The following OOSP3 variants were observed in gnomAD, a reference collection of about 807,000 sequenced individuals.
OOSP3 encodes oocyte-secreted protein 3.
chr11:59,886,823 C>CTTTTTTTTTTT, intron 2 of OOSP3, among the ~76,000 whole-genome samples: 1 of 144,674 alleles, frequency 6.9e-6, no homozygotes. Context: ...CGGAGTCTTG[C>CTTTTTTTTTTT]TCTGTCACCC....
intron 1 of OOSP3, among the ~76,000 whole-genome samples, chr11:59,879,156 A>G (rs1014892255): frequency 2.0e-5 from 3 of 152,072 alleles, no homozygotes; most frequent in African/African-American, 7.2e-5. Context: ...TACCTGTGGA[A>G]AAATATTTCT....
At chr11:59,894,433 C>A (rs1853338686) in intron 3 of OOSP3, among the ~76,000 whole-genome samples, 1 of 152,066 alleles carries the variant, frequency 6.6e-6, no homozygotes, top group African/African-American at 2.4e-5. Flanking sequence ...TCAGTGATAC[C>A]AACTGGGCTT....
chr11:59,883,256 G>A (rs1185049369), intron 2 of OOSP3, among the ~76,000 whole-genome samples: 1 of 152,024 alleles, frequency 6.6e-6, no homozygotes, highest in Non-Finnish European at 1.5e-5. Flanking sequence ...TCTATTGTTT[G>A]GTTTCTTTCT....
At chr11:59,880,328 T>C (rs1434996842) in exon 2 of OOSP3, 4 of 398,470 alleles carry the variant, frequency 1.0e-5, no homozygotes, top group African/African-American at 2.1e-5. Flanking sequence ...GTCAAGATCA[T>C]ATTTTGCATT....
chr11:59,887,955 T>A (rs1853278042), intron 2 of OOSP3, among the ~76,000 whole-genome samples: 2 of 152,196 alleles, frequency 1.3e-5, no homozygotes, highest in African/African-American at 4.8e-5. Flanking sequence ...TTTTCATCTG[T>A]TTGTGTCCTC....
intron 2 of OOSP3, among the ~76,000 whole-genome samples, chr11:59,888,482 A>C (rs1200090487): frequency 2.6e-5 from 4 of 152,138 alleles, no homozygotes; most frequent in Non-Finnish European, 4.4e-5. Context: ...TTTCAAACCT[A>C]GTTTATTGAG....
chr11:59,892,623 C>G (rs2134531957), intron 2 of OOSP3, among the ~76,000 whole-genome samples: 1 of 152,108 alleles, frequency 6.6e-6, no homozygotes, highest in East Asian at 1.9e-4. Context: ...AATCCAATCT[C>G]TTTACTTATT....
chr11:59,892,714 GA>G (rs1419915037), intron 2 of OOSP3, among the ~76,000 whole-genome samples: 2 of 151,706 alleles, frequency 1.3e-5, no homozygotes, highest in Non-Finnish European at 2.9e-5. Context: ...AAAAAAAAAT[GA>G]CAATTCTCTG....
chr11:59,884,103 G>T (rs1223113599), intron 2 of OOSP3, among the ~76,000 whole-genome samples: 1 of 152,136 alleles, frequency 6.6e-6, no homozygotes, highest in East Asian at 1.9e-4. Flanking sequence ...GAATCTTGCC[G>T]TGGCTTAAAT....
At chr11:59,881,567 G>A (rs1184079874) in intron 2 of OOSP3, among the ~76,000 whole-genome samples, 1 of 152,156 alleles carries the variant, frequency 6.6e-6, no homozygotes, top group East Asian at 1.9e-4. Context: ...AACCTTTGGT[G>A]GAGGAAGAAA....
chr11:59,895,686 T>C (rs894643487), intron 4 of OOSP3, 34 bp downstream of exon 4: 1 of 398,292 alleles, frequency 2.5e-6, no homozygotes, highest in Non-Finnish European at 4.4e-6. Context: ...AACATGGCAG[T>C]GTCCATGTAG....
chr11:59,882,396 A>G (rs908452396), intron 2 of OOSP3, among the ~76,000 whole-genome samples: 3 of 152,192 alleles, frequency 2.0e-5, no homozygotes, highest in Non-Finnish European at 4.4e-5. Context: ...AATGTTTTCA[A>G]ATTTCCATAG....
chr11:59,896,186 T>A (rs915551715), exon 5 of OOSP3: 66 of 397,808 alleles, frequency 1.7e-4, no homozygotes, highest in Non-Finnish European at 1.2e-4. Flanking sequence ...CATTAGTCCA[T>A]GAGAGTGCAA....
At chr11:59,891,257 T>C (rs150070074) in intron 2 of OOSP3, among the ~76,000 whole-genome samples, 217 of 152,340 alleles carry the variant, frequency 1.4e-3, no homozygotes, top group African/African-American at 5.1e-3. Context: ...ATTACCCACT[T>C]TCTGAAGCCT....
chr11:59,885,916 G>C (rs138477701), intron 2 of OOSP3, among the ~76,000 whole-genome samples: 4,447 of 151,602 alleles, frequency 0.029, 105 homozygotes, highest in Non-Finnish European at 0.044. Context: ...ATGTTCTGGG[G>C]TACATGTGCT....
intron 2 of OOSP3, among the ~76,000 whole-genome samples, chr11:59,888,226 T>C (rs1341801176): frequency 7.2e-5 from 11 of 152,226 alleles, no homozygotes; most frequent in African/African-American, 2.7e-4. Context: ...TTTCTAGATA[T>C]AGGATCACAT....
intron 2 of OOSP3, among the ~76,000 whole-genome samples, chr11:59,884,232 A>G (rs183042180): frequency 2.8e-4 from 43 of 152,342 alleles, no homozygotes; most frequent in African/African-American, 9.9e-4. Context: ...AGAGACACAG[A>G]AGAGAACTGC....
intron 2 of OOSP3, among the ~76,000 whole-genome samples, chr11:59,884,475 GTCTCTC>G (rs60145654): frequency 0.53 from 59,515 of 113,124 alleles, 15,021 homozygotes; most frequent in Middle Eastern, 0.72. Context: ...CTGTCTGTCT[GTCTCTC>G]TCTCTCTCTC....
rs932524786 is a variant in OOSP3 at position 59,893,947 on chromosome 11, C to T, written c.253-132C>T. On this transcript the variant is annotated intron_variant, in intron 2 of 4. Transcript: ENST00000646438. ...TTTCTGGTGAATCAGTTTTCTTTTT[C>T]CAGCTCTCTGCAGAGAGACCTTGGT... 3.8e-5 allele frequency: 15 copies of T among 393,930 alleles called. No individual in the cohort carries two copies. The East Asian group carries it at 5.4e-4, about 14-fold the overall frequency. The allele number at this position is 393,930 out of a possible 1,614,324, so 24.4% of individuals were successfully genotyped here.
Sources: allele counts gnomAD v4.1 joint callset (sites outside exome capture counted in the v4.1 genomes callset), GRCh38; gene constraint gnomAD v4.1.1; transcripts MANE v1.5; gene names NCBI Gene and HGNC (gene_info 2026-07-23, HGNC 2026-07-21).